The following ARB2A variants were observed in gnomAD, a reference collection of about 807,000 sequenced individuals.
ARB2A encodes cotranscriptional regulator ARB2A.
chr5:93,684,457 T>C, the ARB2A span, among the ~76,000 whole-genome samples: 1 of 152,240 alleles, frequency 6.6e-6, no homozygotes. Context: ...TCTTCATTTT[T>C]CTTGTTTACT....
the ARB2A span, among the ~76,000 whole-genome samples, chr5:93,938,770 TATA>T: frequency 6.6e-6 from 1 of 152,190 alleles, no homozygotes; most frequent in African/African-American, 2.4e-5. Context: ...GCTTTGATGT[TATA>T]ATTTGTTAAT....
the ARB2A span, chr5:93,619,826 T>C: frequency 6.6e-6 from 1 of 152,152 alleles, no homozygotes; most frequent in South Asian, 2.1e-4. Flanking sequence ...GTGCTAAAAA[T>C]TATACCATTG....
the ARB2A span, among the ~76,000 whole-genome samples, chr5:93,870,159 C>T: frequency 6.6e-6 from 1 of 152,204 alleles, no homozygotes; most frequent in African/African-American, 2.4e-5. Flanking sequence ...AAATTCTAAT[C>T]CTCAAATTCC....
chr5:93,958,890 C>T, the ARB2A span: 3 of 1,608,624 alleles, frequency 1.9e-6, no homozygotes, highest in Non-Finnish European at 2.5e-6. Flanking sequence ...TGAATTAAAA[C>T]CATCAGTTTC....
chr5:93,920,537 C>CA, the ARB2A span, among the ~76,000 whole-genome samples: 1 of 151,670 alleles, frequency 6.6e-6, no homozygotes, highest in African/African-American at 2.4e-5. Context: ...CTAGAAACAT[C>CA]AAAAAAATTA....
At chr5:93,711,543 C>T in the ARB2A span, among the ~76,000 whole-genome samples, 1 of 152,126 alleles carries the variant, frequency 6.6e-6, no homozygotes, top group Non-Finnish European at 1.5e-5. Flanking sequence ...CCGAAGATGG[C>T]AAGTGAAGAA....
chr5:93,786,868 A>T, the ARB2A span, among the ~76,000 whole-genome samples: 3 of 152,196 alleles, frequency 2.0e-5, no homozygotes, highest in Admixed American at 2.0e-4. Flanking sequence ...GACAGACCTT[A>T]GATGAAATAT....
chr5:93,648,745 G>A, the ARB2A span, among the ~76,000 whole-genome samples: 4 of 152,186 alleles, frequency 2.6e-5, no homozygotes, highest in Non-Finnish European at 5.9e-5. Context: ...TAAAATTTAA[G>A]ATCTATTTCT....
the ARB2A span, among the ~76,000 whole-genome samples, chr5:93,818,321 A>T: frequency 6.6e-6 from 1 of 152,222 alleles, no homozygotes; most frequent in South Asian, 2.1e-4. Flanking sequence ...AAAATTAGAT[A>T]GTAATGATAG....
the ARB2A span, among the ~76,000 whole-genome samples, chr5:94,052,402 G>C: frequency 6.6e-6 from 1 of 152,106 alleles, no homozygotes; most frequent in Non-Finnish European, 1.5e-5. Context: ...CTTAGTACAC[G>C]ATGACTGTCA....
the ARB2A span, among the ~76,000 whole-genome samples, chr5:93,898,709 G>C: frequency 8.5e-5 from 13 of 152,154 alleles, no homozygotes; most frequent in East Asian, 2.3e-3. Context: ...CACAAAAAAT[G>C]ATATGATTGG....
the ARB2A span, among the ~76,000 whole-genome samples, chr5:93,799,377 T>C: frequency 2.0e-5 from 3 of 152,094 alleles, no homozygotes; most frequent in Non-Finnish European, 4.4e-5. Context: ...TTCAAGACTC[T>C]TACGAAGCTG....
chr5:93,740,883 T>G, the ARB2A span: 1 of 1,613,982 alleles, frequency 6.2e-7, no homozygotes, highest in East Asian at 2.2e-5. Context: ...GCTGGAAGAA[T>G]TTCTCCAGGC....
chr5:94,107,096 T>C, the ARB2A span, among the ~76,000 whole-genome samples: 16 of 152,070 alleles, frequency 1.1e-4, no homozygotes, highest in East Asian at 2.9e-3. Context: ...AAAAATGAAA[T>C]AAAAACTACT....
At chr5:93,709,659 CATAA>C in the ARB2A span, among the ~76,000 whole-genome samples, 6 of 131,698 alleles carry the variant, frequency 4.6e-5, no homozygotes, top group South Asian at 1.4e-3. Context: ...AAAAAAAAAC[CATAA>C]ATAAATAAAT....
the ARB2A span, among the ~76,000 whole-genome samples, chr5:93,975,712 C>A: frequency 6.6e-6 from 1 of 152,012 alleles, no homozygotes; most frequent in African/African-American, 2.4e-5. Context: ...CTGAAACACA[C>A]AACCTCCCAA....
chr5:93,876,191 T>C, the ARB2A span, among the ~76,000 whole-genome samples: 60 of 152,346 alleles, frequency 3.9e-4, no homozygotes, highest in African/African-American at 1.4e-3. Context: ...TGTCTTGGTA[T>C]GTCTTGCTCA....
At chr5:94,054,607 C>T in the ARB2A span, among the ~76,000 whole-genome samples, 1 of 152,150 alleles carries the variant, frequency 6.6e-6, no homozygotes, top group African/African-American at 2.4e-5. Context: ...TGCCAGGCCT[C>T]TCCACTATAA....
At chr5:93,658,221 G>T in the ARB2A span, among the ~76,000 whole-genome samples, 3 of 152,016 alleles carry the variant, frequency 2.0e-5, no homozygotes, top group East Asian at 5.8e-4. Flanking sequence ...TGAACATTCA[G>T]CTCCTGCCAA....
Sources: gnomAD v4.1 joint callset for allele counts (sites outside exome capture counted in the v4.1 genomes callset) on GRCh38, gnomAD v4.1.1 for gene constraint, MANE v1.5 for transcripts, NCBI Gene and HGNC (gene_info 2026-07-23, HGNC 2026-07-21) for gene names.